The following PRR14L variants were observed in gnomAD, a reference collection of about 807,000 sequenced individuals.
The protein encoded by PRR14L is protein PRR14L.
Under a neutral mutation model 155.0 loss-of-function variants are expected in PRR14L, and 80 were observed. The ratio of observed to expected loss-of-function variants is 0.52; its 90% CI spans 0.43 to 0.62. The LOEUF is 0.62. Among genes scored for constraint, PRR14L ranks in the 20% least tolerant of loss-of-function variants. The probability of loss-of-function intolerance (pLI) is 0.00; values close to 1 mark genes in which losing one functional copy is unlikely to be tolerated. For missense variants in PRR14L, 2,469 were observed against 2,548.0 expected, an observed-to-expected ratio of 0.97 and a Z score of 0.67; for synonymous variants, 883 against 916.0, an observed-to-expected ratio of 0.96 and a Z score of 0.65.
rs749159031 is a variant in PRR14L, at chr22:31,715,831, A to G, written c.2008T>C (p.Ser670Pro). Residue 670 changes from serine (S) to proline (P), a missense_variant, in exon 4 of 9, where the codon TCT becomes CCT. By Grantham distance (74) the Ser-to-Pro change is moderately conservative. Around this residue, in one of 2 missense-constraint regions of PRR14L, gnomAD observed 2,363 missense variants for 2,371.6 expected, o/e 1.00. Transcript: ENST00000327423. ...SQEHANLPTD[S>P]LLHLNKEMPL... is the part of the protein sequence containing the mutation. Reference sequence around the variant, plus strand: ...ATCTCTTTGTTTAAATGCAGTAGAGAGTCAGTTGGCAAATTTGCATGTTCT... The same window carrying G: ...ATCTCTTTGTTTAAATGCAGTAGAGGGTCAGTTGGCAAATTTGCATGTTCT... The G allele has an allele frequency of 6.4e-7, 1 of 1,551,620 alleles. No homozygotes were observed. The highest frequency in any genetic ancestry group is 8.7e-7 in the Non-Finnish European group (1 of 1,146,934).
rs933308770 is a variant in PRR14L at position 31,685,244 on chromosome 22, T to G, written c.*283A>C. The G allele has an allele frequency of 4.9e-5, 16 of 324,992 alleles. No homozygotes were observed. Among genetic ancestry groups the G allele is most frequent in the Non-Finnish European group, 7.3e-5 (13 of 176,946 alleles). 20.1% of individuals were successfully genotyped at this position (324,992 alleles called of 1,614,324 possible). A position where few individuals can be genotyped will look rare whatever the true frequency, so the allele number is the denominator to read the frequency against. On this transcript the variant is annotated 3_prime_UTR_variant, in exon 9 of 9. Coordinates refer to ENST00000327423, the MANE Select transcript of PRR14L (RefSeq NM_173566.3). ...GCTTCCTCCTGTGGATGGCAGAGAC[T>G]GAGGAGGTGGCTGGATGTCGTTCAG...
At chr22:31,703,258 A>G (rs1488873484) in intron 6 of PRR14L, among the ~76,000 whole-genome samples, 1 of 152,080 alleles carries the variant, frequency 6.6e-6, no homozygotes, top group Non-Finnish European at 1.5e-5. Flanking sequence ...ATCACCATCC[A>G]CTCATCTTCT....
At chr22:31,722,259 G>A (rs757050784) in intron 3 of PRR14L, among the ~76,000 whole-genome samples, 2 of 151,618 alleles carry the variant, frequency 1.3e-5, no homozygotes, top group African/African-American at 4.8e-5. Context: ...GTAAAACTCC[G>A]TCTCTACTAA....
At chr22:31,711,554 G>A (rs1304855104) in intron 4 of PRR14L, among the ~76,000 whole-genome samples, 1 of 151,952 alleles carries the variant, frequency 6.6e-6, no homozygotes, top group East Asian at 1.9e-4. Context: ...GCCGAGGCAG[G>A]TGGATCACCT....
chr22:31,715,912 C>G lies in PRR14L; in HGVS notation c.1927G>C (p.Val643Leu). ...ACACATTCACTTTCTACTTTGTTTA[C>G]AACCAGTTCATTGGTACAAGAAAGT... The part of the protein sequence containing the change: ...NELSCTNELV[V>L]NKVESECVLN... Residue 643 changes from valine to leucine, a missense_variant, in exon 4 of 9, where the codon GTA becomes CTA. Val to Leu is a conservative substitution (Grantham distance 32). This residue lies in a region of PRR14L where 2,363 missense variants were observed against 2,371.6 expected (regional missense o/e 1.00). Transcript: ENST00000327423. 6.4e-7 allele frequency: 1 copy of G among 1,551,616 alleles called. No homozygotes were observed. The highest frequency in any genetic ancestry group is 8.7e-7 in the Non-Finnish European group (1 of 1,146,860).
At chr22:31,724,365 T>C (rs1288511372) in intron 3 of PRR14L, among the ~76,000 whole-genome samples, 1 of 152,206 alleles carries the variant, frequency 6.6e-6, no homozygotes, top group South Asian at 2.1e-4. Context: ...ACTCCAAAAA[T>C]GTCGGGGACC....
At chr22:31,686,975 A>G (rs1282764867) in intron 8 of PRR14L, among the ~76,000 whole-genome samples, 2 of 152,232 alleles carry the variant, frequency 1.3e-5, no homozygotes, top group Non-Finnish European at 2.9e-5. Context: ...ATCAATGATT[A>G]TCAGTCCTGA....
rs1019132734 is a variant in PRR14L at position 31,738,443 on chromosome 22, T to C, written c.418A>G (p.Lys140Glu). ...GIIREPSEGA[K>E]EDPHQHSTAA... ...GTGGAATGTTGATGTGGATCTTCCTTTGCTCCCTCAGAGGGTTCTCTTATA... is the reference window on the plus strand; with the variant it reads ...GTGGAATGTTGATGTGGATCTTCCTCTGCTCCCTCAGAGGGTTCTCTTATA... The change falls in exon 2 of 9, where the codon AAG (lysine) becomes GAG (glutamate). Residue 140 changes from lysine (K) to glutamate (E), a missense_variant. Lys to Glu is a moderately conservative substitution (Grantham distance 56). Coordinates refer to ENST00000327423, the MANE Select transcript of PRR14L (RefSeq NM_173566.3). 9.7e-6 allele frequency: 15 copies of C among 1,552,236 alleles called. No individual in the cohort carries two copies. The South Asian group carries it at 1.5e-4, about 16-fold the overall frequency.
chr22:31,688,841 G>A (rs756179779), intron 7 of PRR14L, among the ~76,000 whole-genome samples: 2 of 151,066 alleles, frequency 1.3e-5, no homozygotes, highest in Non-Finnish European at 2.9e-5. Flanking sequence ...TGTTGCCTAG[G>A]AGTCTGACAC....
Position 31,684,517 on chromosome 22 carries a change from G to T in PRR14L, c.*1010C>A, listed in dbSNP as rs2074472246. On this transcript the variant is annotated 3_prime_UTR_variant, in exon 9 of 9. Coordinates refer to ENST00000327423, the MANE Select transcript of PRR14L (RefSeq NM_173566.3). ...CACCCAACCATAGTAGTTTTTCAAT[G>T]ATCGGGAGAGAAACCTGCTCTTACT... is the stretch of plus-strand genomic sequence containing the variant. The T allele has an allele frequency of 6.6e-6, 1 of 152,158 alleles. No individual in the cohort carries two copies. The highest frequency in any genetic ancestry group is 2.4e-5 in the African/African-American group (1 of 41,430). The allele number at this position is 152,158 out of a possible 1,614,324, so 9.4% of individuals were successfully genotyped here.
chr22:31,687,381 T>C (rs1056440974), intron 8 of PRR14L, among the ~76,000 whole-genome samples: 2 of 146,820 alleles, frequency 1.4e-5, no homozygotes, highest in African/African-American at 2.5e-5. Flanking sequence ...TGAGACAGAG[T>C]CTAGCTCTGT....
rs1280396915 is a variant in PRR14L at position 31,738,374 on chromosome 22, T to C, written c.474+13A>G. The C allele has an allele frequency of 6.5e-7, 1 of 1,546,258 alleles. No homozygotes were observed. Among genetic ancestry groups the C allele is most frequent in the Non-Finnish European group, 8.8e-7 (1 of 1,142,522 alleles). On this transcript the variant is annotated intron_variant, in intron 2 of 8. Transcript: ENST00000327423. Reference sequence around the variant, plus strand: ...CACACTCAACTCTTCGGAATGGAGATTTCATTTCTTACCTGACTCGGGCTA... The same window carrying C: ...CACACTCAACTCTTCGGAATGGAGACTTCATTTCTTACCTGACTCGGGCTA...
intron 3 of PRR14L, among the ~76,000 whole-genome samples, chr22:31,720,195 GT>G (rs910296367): frequency 6.6e-6 from 1 of 152,114 alleles, no homozygotes; most frequent in Admixed American, 6.6e-5. Flanking sequence ...CTTTTGCTCT[GT>G]TTTTTTATTT....
At position 31,738,596 on chromosome 22, in the gene PRR14L, G is replaced by T; in HGVS notation, c.265C>A (p.Pro89Thr). ...GAGTCCACTAGCCCACATCGCCCAG[G>T]CTCACTCCCATGATCCAAGGTCTCA... Reference protein sequence around the residue: ...TYETLDHGSEPGRCGLVDSTA... With the variant: ...TYETLDHGSETGRCGLVDSTA... The change falls in exon 2 of 9, where the codon CCT becomes ACT. Residue 89 changes from proline to threonine, a missense_variant. This residue lies in a region of PRR14L where 2,363 missense variants were observed against 2,371.6 expected (regional missense o/e 1.00). Coordinates refer to ENST00000327423, the MANE Select transcript of PRR14L (RefSeq NM_173566.3). 1 of 1,551,990 alleles carries T rather than the reference G, an allele frequency of 6.4e-7. No homozygotes were observed. Among genetic ancestry groups the T allele is most frequent in the Non-Finnish European group, 8.7e-7 (1 of 1,147,072 alleles).
intron 3 of PRR14L, among the ~76,000 whole-genome samples, chr22:31,723,280 A>C (rs2074700949): frequency 6.6e-6 from 1 of 152,204 alleles, no homozygotes; most frequent in Admixed American, 6.5e-5. Context: ...AACATGAAGA[A>C]AAGTGTCACA....
intron 6 of PRR14L, among the ~76,000 whole-genome samples, chr22:31,702,026 T>C (rs1343919742): frequency 6.6e-6 from 1 of 152,116 alleles, no homozygotes; most frequent in Non-Finnish European, 1.5e-5. Flanking sequence ...CCAGGAACTC[T>C]TGGGCTCAAC....
At chr22:31,703,803 T>C (rs1376885630) in intron 5 of PRR14L, 82 bp from the exon 6 acceptor site, 2 of 971,474 alleles carry the variant, frequency 2.1e-6, no homozygotes, top group East Asian at 3.0e-5. Context: ...CTTCATTTTT[T>C]TTTTTTTTTT....
At position 31,716,467 on chromosome 22, in the gene PRR14L, A is replaced by G; in HGVS notation, c.1372T>C (p.Ser458Pro). 1 of 1,550,974 alleles carries G rather than the reference A, an allele frequency of 6.4e-7. No homozygotes were observed. Among genetic ancestry groups the G allele is most frequent in the Non-Finnish European group, 8.7e-7 (1 of 1,146,690 alleles). ...TCAGTAAAAGAATTGGGCATTAAAG[A>G]ACTAGAGTTCCCTGTATGGAGACTG... ...QDSLHTGNSS[S>P]LMPNSFTEAT... The change falls in exon 4 of 9, where the codon TCT (serine) becomes CCT (proline). Residue 458 changes from serine (S) to proline (P), a missense_variant. Ser to Pro is a moderately conservative substitution (Grantham distance 74). Coordinates refer to ENST00000327423, the MANE Select transcript of PRR14L (RefSeq NM_173566.3).
chr22:31,720,981 T>G (rs762450393), intron 3 of PRR14L, among the ~76,000 whole-genome samples: 1 of 152,184 alleles, frequency 6.6e-6, no homozygotes, highest in Non-Finnish European at 1.5e-5. Context: ...ACACATAAAC[T>G]TCCCAGACAA....
Sources: allele counts gnomAD v4.1 joint callset (sites outside exome capture counted in the v4.1 genomes callset), GRCh38; gene constraint gnomAD v4.1.1; regional missense constraint gnomAD v4.1.1; transcripts MANE v1.5; gene names NCBI Gene and HGNC (gene_info 2026-07-23, HGNC 2026-07-21).